The following PPTC7 variants were observed in gnomAD, a reference collection of about 807,000 sequenced individuals.
PPTC7 encodes the protein protein phosphatase targeting COQ7, also known as protein phosphatase PTC7 homolog.
A neutral mutation model predicts 30.8 loss-of-function variants in PPTC7; 6 were observed. That is an observed-to-expected ratio of 0.19 (90% CI 0.11 to 0.38). The LOEUF (loss-of-function observed/expected upper bound fraction) is 0.38. Ranked by LOEUF, PPTC7 falls within the 10% of genes least tolerant of loss-of-function variation. The pLI is 1.00. For missense variants in PPTC7, 218 were observed against 404.8 expected (o/e 0.54, Z 3.96); for synonymous variants, 163 against 168.1 (o/e 0.97, Z 0.23).
At position 110,535,023 on chromosome 12, in the gene PPTC7, TA is replaced by T. The variant is rs977976883; in HGVS notation, c.*2013del. 2 of 152,666 alleles carry T rather than the reference TA, an allele frequency of 1.3e-5. No individual in the cohort carries two copies. Among genetic ancestry groups the T allele is most frequent in the Admixed American group, 1.3e-4 (2 of 15,286 alleles). The allele number at this position is 152,666 out of a possible 1,614,324, so 9.5% of individuals were successfully genotyped here. ...AGAGCTGAAGTTGTCAGTCCTAATA[TA>T]AATGTATTCATTCTAACAAAACCCT... On this transcript the variant is annotated 3_prime_UTR_variant, in exon 6 of 6. Coordinates refer to ENST00000354300, the MANE Select transcript of PPTC7 (RefSeq NM_139283.2).
In PPTC7 at chr12:110,566,604, T is replaced by C. The variant is rs78387306; in HGVS notation, c.224-14636A>G. 6.3e-3 allele frequency among the ~76,000 whole-genome samples: 958 copies of C among 152,222 alleles called. 28 individuals are homozygous for C. In the East Asian group the frequency reaches 0.091, roughly 14 times the overall value. Reference sequence around the variant, plus strand: ...ACATTCAGCAAGTTAGAGTTATGCCTATCTCTAAGAAAGGCTGGCGAGCAG... The same window carrying C: ...ACATTCAGCAAGTTAGAGTTATGCCCATCTCTAAGAAAGGCTGGCGAGCAG... On this transcript the variant is annotated intron_variant, in intron 1 of 5. Transcript: ENST00000354300.
intron 4 of PPTC7, among the ~76,000 whole-genome samples, chr12:110,539,273 G>A (rs527293795): frequency 3.8e-4 from 58 of 152,158 alleles, no homozygotes; most frequent in South Asian, 1.5e-3. Context: ...AGAAAGAAAC[G>A]TACCCAAAGT....
rs898924531 is a variant in PPTC7, at chr12:110,533,546, G to T, written c.*3491C>A. On this transcript the variant is annotated 3_prime_UTR_variant, in exon 6 of 6. Coordinates refer to ENST00000354300, the MANE Select transcript of PPTC7 (RefSeq NM_139283.2). ...CAAAGAATTTAATTTTAAATAAATA[G>T]AATCCAAATATGTCCTGCTTCATGT... 4 of 152,154 alleles carry T rather than the reference G, an allele frequency of 2.6e-5. No individual in the cohort carries two copies. Among genetic ancestry groups the T allele is most frequent in the Non-Finnish European group, 5.9e-5 (4 of 68,010 alleles). The allele number at this position is 152,154 out of a possible 1,614,324, so 9.4% of individuals were successfully genotyped here.
intron 1 of PPTC7, among the ~76,000 whole-genome samples, chr12:110,560,411 A>T (rs920882268): frequency 3.3e-5 from 5 of 152,054 alleles, no homozygotes; most frequent in African/African-American, 9.7e-5. Context: ...CAAAAAATAA[A>T]AAATAAAAAA....
rs1323576085 is a variant in PPTC7 at position 110,539,958 on chromosome 12, CAG to C, written c.603-15_603-14del. 3.1e-6 allele frequency: 5 copies of C among 1,612,056 alleles called. No individual in the cohort carries two copies. Among genetic ancestry groups the C allele is most frequent in the African/African-American group, 1.3e-5 (1 of 74,790 alleles). On this transcript the variant is annotated splice_polypyrimidine_tract_variant and intron_variant, in intron 3 of 5. Coordinates refer to ENST00000354300, the MANE Select transcript of PPTC7 (RefSeq NM_139283.2). ...AGCAGCATCCGGACTGTGGCAAGGACAGGGGAGGGACAAAGTTAAGAAGGCCC... is the reference window on the plus strand; with the variant it reads ...AGCAGCATCCGGACTGTGGCAAGGACGGGAGGGACAAAGTTAAGAAGGCCC...
chr12:110,583,048 C>A lies in PPTC7; in HGVS notation c.-17G>T, dbSNP rs1189824806. 3 of 1,381,130 alleles carry A rather than the reference C, an allele frequency of 2.2e-6. No individual in the cohort carries two copies. The highest frequency in any genetic ancestry group is 9.3e-7 in the Non-Finnish European group (1 of 1,078,256). 85.6% of individuals were successfully genotyped at this position (1,381,130 alleles called of 1,614,324 possible). ...CGAGAACATCGCCGCCGCCGCCCCC[C>A]CGAGGAGGCGGGGGGCCGGGGGAGC... On this transcript the variant is annotated 5_prime_UTR_variant, in exon 1 of 6. Transcript: ENST00000354300.
rs1262436512 is a variant in PPTC7, at chr12:110,546,099, C to A, written c.404-21G>T. On this transcript the variant is annotated intron_variant, in intron 2 of 5. Transcript: ENST00000354300. ...GCTACCTAGAAACAAAAATCATCTC[C>A]ATTTATTTTTTCTTCCTAGGCTGCC... is the stretch of plus-strand genomic sequence containing the variant. The A allele has an allele frequency of 5.0e-6, 8 of 1,606,590 alleles. No homozygotes were observed. In the Admixed American group the frequency reaches 1.0e-4, roughly 20 times the overall value.
chr12:110,540,432 C>T (rs557735121), intron 3 of PPTC7, among the ~76,000 whole-genome samples: 49 of 151,044 alleles, frequency 3.2e-4, no homozygotes, highest in African/African-American at 1.2e-3. Flanking sequence ...AGCGATTCTC[C>T]TGTCTCAGCC....
At chr12:110,563,792 C>T (rs937707986) in intron 1 of PPTC7, among the ~76,000 whole-genome samples, 4 of 152,200 alleles carry the variant, frequency 2.6e-5, no homozygotes, top group Non-Finnish European at 5.9e-5. Flanking sequence ...TGAGCCTCCA[C>T]ATACACTTAC....
intron 1 of PPTC7, among the ~76,000 whole-genome samples, chr12:110,553,496 G>A (rs2064364430): frequency 6.6e-6 from 1 of 151,906 alleles, no homozygotes; most frequent in Non-Finnish European, 1.5e-5. Context: ...ATTGTATTTT[G>A]GGCCAGGCAT....
chr12:110,566,166 T>C (rs200316152), intron 1 of PPTC7, among the ~76,000 whole-genome samples: 1 of 143,060 alleles, frequency 7.0e-6, no homozygotes, highest in Non-Finnish European at 1.5e-5. Flanking sequence ...CATTTAGGAG[T>C]CCCTGGAAGG....
intron 3 of PPTC7, 25 bp downstream of exon 3, chr12:110,545,855 C>T (rs749940785): frequency 2.5e-6 from 4 of 1,611,200 alleles, no homozygotes; most frequent in African/African-American, 1.3e-5. Flanking sequence ...CCTGCTCACA[C>T]TTAATGGCTG....
At chr12:110,578,474 A>AGGGG (rs2135798628) in intron 1 of PPTC7, among the ~76,000 whole-genome samples, 1 of 152,302 alleles carries the variant, frequency 6.6e-6, no homozygotes, top group South Asian at 2.1e-4. Flanking sequence ...CAACATAGTC[A>AGGGG]GTTTTTCCGA....
intron 1 of PPTC7, among the ~76,000 whole-genome samples, chr12:110,582,307 C>T (rs1288681150): frequency 6.6e-6 from 1 of 152,232 alleles, no homozygotes; most frequent in Non-Finnish European, 1.5e-5. Context: ...ACCATCCAGG[C>T]GGCGAAAGAA....
intron 1 of PPTC7, among the ~76,000 whole-genome samples, chr12:110,555,098 C>G (rs544368765): frequency 1.3e-5 from 2 of 152,040 alleles, no homozygotes; most frequent in East Asian, 3.8e-4. Flanking sequence ...TATATACATC[C>G]CTGAAAAATT....
At chr12:110,547,095 T>G (rs2135767758) in intron 2 of PPTC7, among the ~76,000 whole-genome samples, 1 of 152,250 alleles carries the variant, frequency 6.6e-6, no homozygotes, top group South Asian at 2.1e-4. Context: ...CTCTGAGAAT[T>G]TACGCTAAGA....
At position 110,557,441 on chromosome 12, in the gene PPTC7, C is replaced by CT. The variant is rs558549027; in HGVS notation, c.224-5474dup. Among the ~76,000 whole-genome samples the CT allele has an allele frequency of 6.7e-3, 991 of 148,946 alleles. 13 individuals carry two copies. Among genetic ancestry groups the CT allele is most frequent in the Non-Finnish European group, 0.011 (749 of 66,896 alleles). ...AGACACACCCTGATACACCCCGCTACTTTTTTTTTTAAGTTTTTGTAGAAA... is the reference window on the plus strand; with the variant it reads ...AGACACACCCTGATACACCCCGCTACTTTTTTTTTTTAAGTTTTTGTAGAAA... On this transcript the variant is annotated intron_variant, in intron 1 of 5. Coordinates refer to ENST00000354300, the MANE Select transcript of PPTC7 (RefSeq NM_139283.2).
chr12:110,546,924 C>T (rs903663492), intron 2 of PPTC7, among the ~76,000 whole-genome samples: 1 of 152,292 alleles, frequency 6.6e-6, no homozygotes, highest in East Asian at 1.9e-4. Flanking sequence ...ATTAGTTTAA[C>T]ACGAGTCAAA....
intron 1 of PPTC7, among the ~76,000 whole-genome samples, chr12:110,553,245 G>C (rs1402284141): frequency 2.0e-5 from 3 of 151,070 alleles, no homozygotes; most frequent in Non-Finnish European, 4.4e-5. Context: ...CGCCTCCTGG[G>C]TTCAAGGGAT....
Sources: allele counts gnomAD v4.1 joint callset (sites outside exome capture counted in the v4.1 genomes callset), GRCh38; gene constraint gnomAD v4.1.1; transcripts MANE v1.5; gene names NCBI Gene and HGNC (gene_info 2026-07-23, HGNC 2026-07-21).